NDUFAF6: variants seen among roughly 807,000 people sequenced by gnomAD.
The protein encoded by NDUFAF6 is NADH:ubiquinone oxidoreductase complex assembly factor 6, also known as NADH dehydrogenase (ubiquinone) complex I, assembly factor 6.
Under a neutral mutation model 40.8 loss-of-function variants are expected in NDUFAF6, and 45 were observed. The ratio of observed to expected loss-of-function variants is 1.10; its 90% CI spans 0.87 to 1.42. The LOEUF (loss-of-function observed/expected upper bound fraction) is 1.42, where lower values mean the gene tolerates loss of function less well. Among genes scored for constraint, NDUFAF6 ranks in the 40% most tolerant of loss-of-function variants. The pLI is 0.00. For synonymous variants in NDUFAF6, 185 were observed against 155.9 expected, an observed-to-expected ratio of 1.19 and a Z score of -1.39; for missense variants, 435 against 418.5, an observed-to-expected ratio of 1.04 and a Z score of -0.34.
chr8:95,032,469 A>AT (rs1828970042), intron 2 of NDUFAF6, among the ~76,000 whole-genome samples: 1 of 152,214 alleles, frequency 6.6e-6, no homozygotes, highest in Non-Finnish European at 1.5e-5. Flanking sequence ...CATTTTTTAA[A>AT]TTGAGGTTTT....
At chr8:95,059,454 A>G (rs1200995413), downstream of NDUFAF6, among the ~76,000 whole-genome samples, 1 of 152,202 alleles carries the variant, frequency 6.6e-6, no homozygotes. Flanking sequence ...ATGTGGTTGT[A>G]TATGCTAGTA....
At chr8:95,080,425 A>T (rs1295411378), downstream of NDUFAF6, among the ~76,000 whole-genome samples, 6 of 55,174 alleles carry the variant, frequency 1.1e-4, no homozygotes, top group African/African-American at 3.8e-4. Flanking sequence ...TTTGTAGTGT[A>T]TTTTTGTAGT....
At chr8:95,027,759 C>T (rs971013149) in intron 1 of NDUFAF6, among the ~76,000 whole-genome samples, 1 of 152,090 alleles carries the variant, frequency 6.6e-6, no homozygotes, top group Admixed American at 6.5e-5. Context: ...GAATTTCTGG[C>T]TTCTAATTGT....
intron 2 of NDUFAF6, among the ~76,000 whole-genome samples, chr8:95,082,072 A>G (rs1490645713): frequency 1.3e-5 from 2 of 152,118 alleles, no homozygotes; most frequent in Non-Finnish European, 2.9e-5. Context: ...TCAAAAAAAA[A>G]CAACAAAAAA....
chr8:95,018,018 A>G (rs578232811), intron 2 of NDUFAF6, among the ~76,000 whole-genome samples: 106 of 152,340 alleles, frequency 7.0e-4, no homozygotes, highest in Non-Finnish European at 1.1e-3. Flanking sequence ...CCTGATTTAG[A>G]AAATTTTAAT....
chr8:95,115,357 A>G (rs998978935), intron 4 of NDUFAF6, among the ~76,000 whole-genome samples: 1 of 152,290 alleles, frequency 6.6e-6, no homozygotes, highest in Non-Finnish European at 1.5e-5. Context: ...TCCACTTACT[A>G]TGCTATTTCT....
At chr8:95,075,038 T>A (rs1832989266) in intron 9 of NDUFAF6, among the ~76,000 whole-genome samples, 2 of 151,888 alleles carry the variant, frequency 1.3e-5, no homozygotes, top group South Asian at 4.1e-4. Flanking sequence ...AGCAAACACA[T>A]CCCTCACTGA....
intron 2 of NDUFAF6, among the ~76,000 whole-genome samples, chr8:94,984,837 T>C (rs994817712): frequency 6.6e-6 from 1 of 152,094 alleles, no homozygotes; most frequent in African/African-American, 2.4e-5. Flanking sequence ...GATGGAAAGG[T>C]AATTTAAGAG....
chr8:95,071,547 C>G (rs2132034571), intron 9 of NDUFAF6, among the ~76,000 whole-genome samples: 1 of 152,284 alleles, frequency 6.6e-6, no homozygotes, highest in African/African-American at 2.4e-5. Context: ...TCAGCTGTTG[C>G]CCCAGAGCCG....
intron 4 of NDUFAF6, among the ~76,000 whole-genome samples, chr8:95,109,508 A>G (rs1293472232): frequency 6.6e-6 from 1 of 152,204 alleles, no homozygotes; most frequent in Non-Finnish European, 1.5e-5. Flanking sequence ...ATGCCTTACA[A>G]TTCCATGATA....
intron 1 of NDUFAF6, among the ~76,000 whole-genome samples, chr8:94,980,531 C>T (rs966117983): frequency 2.8e-5 from 4 of 140,734 alleles, no homozygotes; most frequent in African/African-American, 1.1e-4. Flanking sequence ...GCAACCTCCA[C>T]TTCCTGGCTC....
chr8:94,955,510 A>C (rs984410517), upstream of NDUFAF6, among the ~76,000 whole-genome samples: 2 of 152,228 alleles, frequency 1.3e-5, no homozygotes, highest in Non-Finnish European at 2.9e-5. Flanking sequence ...TTAGTTTTTA[A>C]CACATGAACT....
At chr8:95,020,922 A>C (rs1827668635), upstream of NDUFAF6, among the ~76,000 whole-genome samples, 1 of 152,070 alleles carries the variant, frequency 6.6e-6, no homozygotes, top group Non-Finnish European at 1.5e-5. Flanking sequence ...GTGTTTAATT[A>C]GGTGTTTGGG....
intron 2 of NDUFAF6, among the ~76,000 whole-genome samples, chr8:94,997,581 C>T (rs1826513720): frequency 1.3e-5 from 2 of 152,254 alleles, no homozygotes; most frequent in South Asian, 4.1e-4. Flanking sequence ...CTTGTTCCAA[C>T]ATGTAGGAAT....
chr8:95,079,754 G>A (rs180787505), downstream of NDUFAF6, among the ~76,000 whole-genome samples: 180 of 148,410 alleles, frequency 1.2e-3, no homozygotes, highest in African/African-American at 4.3e-3. Flanking sequence ...TTGCTTTGTC[G>A]CCTAGGCTGG....
intron 2 of NDUFAF6, among the ~76,000 whole-genome samples, chr8:95,086,603 C>CTT (rs140726768): frequency 1.5e-5 from 2 of 136,038 alleles, no homozygotes; most frequent in African/African-American, 2.7e-5. Flanking sequence ...CTTTTCTTTT[C>CTT]TTTTTTTTTT....
At chr8:95,047,493 GTTTTC>G (rs1421320624) in intron 6 of NDUFAF6, among the ~76,000 whole-genome samples, 1 of 140,120 alleles carries the variant, frequency 7.1e-6, no homozygotes, top group African/African-American at 2.6e-5. Flanking sequence ...TGAGGACTTT[GTTTTC>G]TTTTCTTTTC....
At chr8:95,005,668 A>G (rs934281933) in intron 2 of NDUFAF6, among the ~76,000 whole-genome samples, 1 of 151,146 alleles carries the variant, frequency 6.6e-6, no homozygotes, top group Non-Finnish European at 1.5e-5. Flanking sequence ...TTAGGAATAC[A>G]TTAACCCTGT....
At chr8:95,094,919 A>C (rs1346898116) in intron 2 of NDUFAF6, among the ~76,000 whole-genome samples, 1 of 148,136 alleles carries the variant, frequency 6.8e-6, no homozygotes, top group African/African-American at 2.6e-5. Context: ...CGCCCAGCTA[A>C]TTTCTTAATT....
Sources: allele counts gnomAD v4.1 joint callset (sites outside exome capture counted in the v4.1 genomes callset), GRCh38; gene constraint gnomAD v4.1.1; transcripts MANE v1.5; gene names NCBI Gene and HGNC (gene_info 2026-07-23, HGNC 2026-07-21).